The following SNTG1 variants were observed in gnomAD, a reference collection of about 807,000 sequenced individuals.
SNTG1 encodes the protein syntrophin gamma 1.
SNTG1 carries 39 observed loss-of-function variants against 74.7 expected under a neutral mutation model. The ratio of observed to expected loss-of-function variants is 0.52; its 90% CI spans 0.40 to 0.68. SNTG1 has a LOEUF of 0.68. Among genes scored for constraint, SNTG1 ranks in the 30% least tolerant of loss-of-function variants. SNTG1 has a pLI of 0.00. For missense variants in SNTG1, 685 were observed against 609.5 expected (o/e 1.12, Z -1.30); for synonymous variants, 254 against 217.1 (o/e 1.17, Z -1.49).
chr8:50,567,617 A>G (rs1307436444), intron 12 of SNTG1, among the ~76,000 whole-genome samples: 1 of 152,102 alleles, frequency 6.6e-6, no homozygotes, highest in East Asian at 1.9e-4. Context: ...CAAGAATTCT[A>G]GATGGTAGCA....
intron 2 of SNTG1, among the ~76,000 whole-genome samples, chr8:50,228,696 A>G (rs1045487207): frequency 6.6e-6 from 1 of 151,862 alleles, no homozygotes; most frequent in African/African-American, 2.4e-5. Context: ...TATCCTTTGA[A>G]CATGTAGAAT....
At chr8:50,334,943 CT>C (rs2091092534) in intron 2 of SNTG1, among the ~76,000 whole-genome samples, 1 of 152,168 alleles carries the variant, frequency 6.6e-6, no homozygotes, top group Non-Finnish European at 1.5e-5. Flanking sequence ...ATGCCCAACT[CT>C]TCTGCTAGAT....
chr8:50,301,928 T>C (rs938210629), intron 2 of SNTG1, among the ~76,000 whole-genome samples: 3 of 151,706 alleles, frequency 2.0e-5, no homozygotes, highest in Non-Finnish European at 4.4e-5. Context: ...TCAATCTCAG[T>C]TCACTGCAAC....
chr8:50,305,524 ATG>A (rs5891361), intron 2 of SNTG1, among the ~76,000 whole-genome samples: 11,585 of 145,994 alleles, frequency 0.079, 506 homozygotes, highest in African/African-American at 0.11. Flanking sequence ...GTTTGTGCTT[ATG>A]TGTGTGTGTG....
chr8:50,047,560 A>G (rs1819202862), intron 1 of SNTG1, among the ~76,000 whole-genome samples: 1 of 152,212 alleles, frequency 6.6e-6, no homozygotes, highest in African/African-American at 2.4e-5. Context: ...ATTCATGACC[A>G]GAATGTTTCA....
At chr8:50,020,877 G>A (rs570562996) in intron 1 of SNTG1, among the ~76,000 whole-genome samples, 19 of 152,170 alleles carry the variant, frequency 1.2e-4, no homozygotes, top group African/African-American at 4.3e-4. Flanking sequence ...GAAATCTGAT[G>A]GGAAAATGAA....
Position 50,536,787 on chromosome 8 carries a change from T to G in SNTG1, c.659T>G (p.Val220Gly). The G allele has an allele frequency of 6.2e-7, 1 of 1,614,010 alleles. No individual in the cohort carries two copies. The change falls in exon 11 of 19, where the codon GTG becomes GGG. Residue 220 changes from valine (V) to glycine (G), a missense_variant. Val to Gly is a moderately radical substitution (Grantham distance 109, BLOSUM62 -3). Coordinates refer to ENST00000642720, the MANE Select transcript of SNTG1 (RefSeq NM_018967.5). The part of the protein sequence containing the change: ...PLLHSRFSQY[V>G]PGTDLSRQNA... ...CTTCATTCGCGCTTCTCTCAGTATG[T>G]GCCCGGCACAGATTTGAGTCGGTGA...
intron 2 of SNTG1, among the ~76,000 whole-genome samples, chr8:50,385,715 T>C (rs1169520440): frequency 6.6e-6 from 1 of 152,166 alleles, no homozygotes; most frequent in East Asian, 1.9e-4. Context: ...CTGCTTCTGA[T>C]GGGCCTTATG....
At chr8:50,315,439 T>TA (rs2090279603) in intron 2 of SNTG1, among the ~76,000 whole-genome samples, 2 of 149,956 alleles carry the variant, frequency 1.3e-5, no homozygotes, top group East Asian at 3.9e-4. Flanking sequence ...GTAAAAGAAA[T>TA]AAAAAATAAC....
intron 1 of SNTG1, among the ~76,000 whole-genome samples, chr8:49,993,372 T>A (rs1813869227): frequency 1.3e-5 from 2 of 151,750 alleles, no homozygotes; most frequent in Admixed American, 1.3e-4. Flanking sequence ...TTCTGAGGTT[T>A]TTTTTTTGTC....
chr8:50,668,229 T>C (rs1469407603), intron 15 of SNTG1, among the ~76,000 whole-genome samples: 2 of 151,974 alleles, frequency 1.3e-5, no homozygotes, highest in Non-Finnish European at 2.9e-5. Context: ...TCACATATCC[T>C]TTTGTGAAAG....
intron 1 of SNTG1, among the ~76,000 whole-genome samples, chr8:50,035,519 C>T (rs1480717714): frequency 1.3e-5 from 2 of 152,152 alleles, no homozygotes; most frequent in African/African-American, 4.8e-5. Context: ...ATTTTAGAAA[C>T]ATAGAAGTCA....
At chr8:50,497,629 G>C (rs1585467371) in intron 8 of SNTG1, among the ~76,000 whole-genome samples, 1 of 151,988 alleles carries the variant, frequency 6.6e-6, no homozygotes, top group Non-Finnish European at 1.5e-5. Context: ...TAGAAAAATA[G>C]GGCAGAATTG....
chr8:50,075,088 C>T lies in SNTG1; in HGVS notation c.-102-97473C>T, dbSNP rs186654134. 5.9e-4 allele frequency among the ~76,000 whole-genome samples: 90 copies of T among 152,310 alleles called. No homozygotes were observed. The East Asian group carries it at 8.9e-3, about 15-fold the overall frequency. On this transcript the variant is annotated intron_variant, in intron 1 of 18. Coordinates refer to ENST00000642720, the MANE Select transcript of SNTG1 (RefSeq NM_018967.5). ...CCCCATATTTTCACCAGGCCTCAGC[C>T]GCCTCCCTGAAAAGTAGGACTCAGG...
At chr8:50,661,182 A>C (rs964338082) in intron 15 of SNTG1, among the ~76,000 whole-genome samples, 5 of 152,176 alleles carry the variant, frequency 3.3e-5, no homozygotes, top group African/African-American at 1.2e-4. Flanking sequence ...CTTGCATTTT[A>C]TTAGGTGATA....
At chr8:50,446,696 A>T (rs1563398563) in intron 5 of SNTG1, among the ~76,000 whole-genome samples, 1 of 152,184 alleles carries the variant, frequency 6.6e-6, no homozygotes, top group Non-Finnish European at 1.5e-5. Flanking sequence ...AAATAAAAAC[A>T]GAAAACCAAA....
At chr8:50,789,832 G>A (rs2095686097) in intron 18 of SNTG1, among the ~76,000 whole-genome samples, 1 of 151,968 alleles carries the variant, frequency 6.6e-6, no homozygotes, top group Admixed American at 6.6e-5. Context: ...GGTTTCCCAT[G>A]TCGCTCATAG....
chr8:50,745,273 G>C (rs7821913), intron 17 of SNTG1, among the ~76,000 whole-genome samples: 15,547 of 151,822 alleles, frequency 0.1, 2,222 homozygotes, highest in African/African-American at 0.32. Flanking sequence ...TATACAAATG[G>C]CCAGCAAGCA....
At chr8:50,618,882 T>G (rs2131029748) in intron 13 of SNTG1, among the ~76,000 whole-genome samples, 1 of 97,236 alleles carries the variant, frequency 1.0e-5, no homozygotes, top group Admixed American at 1.2e-4. Flanking sequence ...TGGAATTATA[T>G]ATGTGTATAT....
Sources: allele counts gnomAD v4.1 joint callset (sites outside exome capture counted in the v4.1 genomes callset), GRCh38; gene constraint gnomAD v4.1.1; transcripts MANE v1.5; gene names NCBI Gene and HGNC (gene_info 2026-07-23, HGNC 2026-07-21).